Variants in DLGAP1 observed in about 807,000 individuals in gnomAD.
DLGAP1 encodes the protein disks large-associated protein 1.
A neutral mutation model predicts 90.8 loss-of-function variants in DLGAP1; 11 were observed. The ratio of observed to expected loss-of-function variants is 0.12; its 90% CI spans 0.08 to 0.20. The LOEUF is 0.20. DLGAP1 is among the 10% of genes least tolerant of loss of function. DLGAP1 has a pLI of 1.00. For missense variants in DLGAP1, 1,050 were observed against 1,333.8 expected (o/e 0.79, Z 3.31); for synonymous variants, 558 against 540.7 (o/e 1.03, Z -0.44).
At chr18:4,254,480 C>T (rs978081411) in intron 1 of DLGAP1, among the ~76,000 whole-genome samples, 2 of 152,106 alleles carry the variant, frequency 1.3e-5, no homozygotes, top group South Asian at 2.1e-4. Context: ...TGAGTCAGGT[C>T]GAATATCTAG....
intron 1 of DLGAP1, among the ~76,000 whole-genome samples, chr18:4,192,134 C>T (rs2077412666): frequency 6.6e-6 from 1 of 152,068 alleles, no homozygotes; most frequent in South Asian, 2.1e-4. Flanking sequence ...ATAAAAAACG[C>T]CCTTATTTAT....
intron 1 of DLGAP1, among the ~76,000 whole-genome samples, chr18:4,432,190 G>A (rs1021200268): frequency 1.3e-5 from 2 of 152,152 alleles, no homozygotes; most frequent in Admixed American, 1.3e-4. Flanking sequence ...CTTAAACTTT[G>A]CAAGAATTTT....
chr18:4,317,482 C>A (rs2080561526), intron 1 of DLGAP1, among the ~76,000 whole-genome samples: 1 of 152,112 alleles, frequency 6.6e-6, no homozygotes, highest in Admixed American at 6.5e-5. Context: ...TACACTGTCA[C>A]AATAAAGGAG....
intron 1 of DLGAP1, among the ~76,000 whole-genome samples, chr18:4,216,768 G>A (rs992577227): frequency 2.0e-5 from 3 of 152,074 alleles, no homozygotes; most frequent in African/African-American, 7.2e-5. Flanking sequence ...AAAACTGAAT[G>A]AAAAGTATGG....
At chr18:3,851,887 A>T (rs1202004755) in intron 4 of DLGAP1, among the ~76,000 whole-genome samples, 1 of 152,136 alleles carries the variant, frequency 6.6e-6, no homozygotes, top group South Asian at 2.1e-4. Context: ...AGAAAACAGG[A>T]GGTTACTGGT....
intron 2 of DLGAP1, among the ~76,000 whole-genome samples, chr18:4,118,642 G>GGCTGGGGA (rs59612052): frequency 0.84 from 126,573 of 150,268 alleles, 53,742 homozygotes; most frequent in South Asian, 0.95. Context: ...TGTAGCCCCA[G>GGCTGGGGA]GCTGGGGAGC....
At chr18:3,633,382 A>G (rs995681181) in intron 7 of DLGAP1, among the ~76,000 whole-genome samples, 3 of 150,150 alleles carry the variant, frequency 2.0e-5, no homozygotes, top group Non-Finnish European at 3.0e-5. Context: ...CAGCCTGGTG[A>G]CAGAGCTAGA....
At chr18:4,293,820 A>G (rs965837340) in intron 1 of DLGAP1, 1 of 152,038 alleles carries the variant, frequency 6.6e-6, no homozygotes, top group African/African-American at 2.4e-5. Context: ...CCTCCACCCA[A>G]CCTCCACCAG....
intron 3 of DLGAP1, among the ~76,000 whole-genome samples, chr18:3,953,368 T>C (rs764693073): frequency 6.6e-6 from 1 of 152,214 alleles, no homozygotes; most frequent in Admixed American, 6.5e-5. Context: ...CAGTGTTTAT[T>C]ATTTCATTCG....
chr18:4,447,586 C>G (rs180965255), intron 1 of DLGAP1, among the ~76,000 whole-genome samples: 131 of 152,180 alleles, frequency 8.6e-4, no homozygotes, highest in Non-Finnish European at 7.1e-4. Context: ...ATTTCACCAT[C>G]TGGGTGGTGG....
At chr18:4,388,118 A>G (rs571020378) in intron 1 of DLGAP1, among the ~76,000 whole-genome samples, 2 of 152,218 alleles carry the variant, frequency 1.3e-5, no homozygotes, top group Admixed American at 6.5e-5. Flanking sequence ...ACAGTGAGCT[A>G]AAGTCATATT....
chr18:3,681,822 G>C (rs2060523715), intron 7 of DLGAP1, among the ~76,000 whole-genome samples: 1 of 152,088 alleles, frequency 6.6e-6, no homozygotes, highest in South Asian at 2.1e-4. Context: ...ATTCGTGTGA[G>C]ATCTGGTCAT....
Position 3,975,204 on chromosome 18 carries a change from A to C in DLGAP1, c.-73+29912T>G, listed in dbSNP as rs1358786650. On this transcript the variant is annotated intron_variant, in intron 3 of 12. Coordinates refer to ENST00000315677, the MANE Select transcript of DLGAP1 (RefSeq NM_004746.4). ...TGTTTTTTAATTACAATTAAAAATA[A>C]AAATTATATATATAAATACATATGC... 2.0e-5 allele frequency among the ~76,000 whole-genome samples: 3 copies of C among 152,010 alleles called. No homozygotes were observed. In the East Asian group the frequency reaches 5.8e-4, roughly 29 times the overall value.
chr18:4,303,529 T>G (rs956934983), intron 1 of DLGAP1, among the ~76,000 whole-genome samples: 8 of 152,184 alleles, frequency 5.3e-5, no homozygotes, highest in Non-Finnish European at 1.0e-4. Flanking sequence ...AGCAGTGCCA[T>G]GTGAGAAGCT....
rs142650515 is a variant in DLGAP1, at chr18:3,879,987, C to T, written c.82G>A (p.Asp28Asn). The change falls in exon 4 of 13, where the codon GAC becomes AAC. Residue 28 changes from aspartate to asparagine, a missense_variant. Physicochemically the swap from Asp to Asn is conservative, Grantham distance 23. Transcript: ENST00000315677. This position sits in a 1 kb window ranked among gnomAD's most constrained non-coding sequence, Gnocchi z 6.6. ...SACDSLSHHSDRKPYLLSPVE... is the reference protein window; with the variant it reads ...SACDSLSHHSNRKPYLLSPVE... Reference sequence around the variant, plus strand: ...GGGCTCAGCAGGTAGGGCTTGCGGTCGGAGTGGTGCGACAGCGAGTCACAG... The same window carrying T: ...GGGCTCAGCAGGTAGGGCTTGCGGTTGGAGTGGTGCGACAGCGAGTCACAG... The T allele has an allele frequency of 1.2e-4, 196 of 1,611,728 alleles. No individual in the cohort carries two copies. Among genetic ancestry groups the T allele is most frequent in the Non-Finnish European group, 1.6e-4 (186 of 1,179,942 alleles).
Position 4,118,996 on chromosome 18 carries a change from C to T in DLGAP1, c.-159+32184G>A, listed in dbSNP as rs188375317. Among the ~76,000 whole-genome samples, 12 of 152,228 alleles carry T rather than the reference C, an allele frequency of 7.9e-5. No individual in the cohort carries two copies. In the South Asian group the frequency reaches 1.0e-3, roughly 13 times the overall value. On this transcript the variant is annotated intron_variant, in intron 2 of 12. Coordinates refer to ENST00000315677, the MANE Select transcript of DLGAP1 (RefSeq NM_004746.4). ...TAAATAATTCAAATAACACAAATAA[C>T]GACTCCTACCTTTGGGTATACATTT... is the stretch of plus-strand genomic sequence containing the variant.
At chr18:4,279,331 T>C (rs899163348) in intron 1 of DLGAP1, among the ~76,000 whole-genome samples, 9 of 152,228 alleles carry the variant, frequency 5.9e-5, no homozygotes, top group Admixed American at 5.9e-4. Context: ...AGCACTGATA[T>C]CTATTAATTT....
chr18:4,134,376 A>C lies in DLGAP1; in HGVS notation c.-159+16804T>G, dbSNP rs78974833. On this transcript the variant is annotated intron_variant, in intron 2 of 12. Transcript: ENST00000315677. The stretch of plus-strand genomic sequence containing the variant: ...TGGTTAATCTTACTCTTAAGATTCT[A>C]TTGGACTTTAGGTCTCCAGTTTACC... Among the ~76,000 whole-genome samples, 263 of 152,208 alleles carry C rather than the reference A, an allele frequency of 1.7e-3. 2 individuals are homozygous for C. Among genetic ancestry groups the C allele is most frequent in the African/African-American group, 5.9e-3 (247 of 41,530 alleles).
intron 7 of DLGAP1, among the ~76,000 whole-genome samples, chr18:3,714,792 G>A (rs1177543192): frequency 6.6e-6 from 1 of 151,710 alleles, no homozygotes; most frequent in Non-Finnish European, 1.5e-5. Flanking sequence ...GTGCCACCAC[G>A]CCTGGCTAAT....
Sources: allele counts gnomAD v4.1 joint callset (sites outside exome capture counted in the v4.1 genomes callset), GRCh38; gene constraint gnomAD v4.1.1; non-coding constraint Gnocchi (gnomAD v3.1); transcripts MANE v1.5; gene names NCBI Gene and HGNC (gene_info 2026-07-23, HGNC 2026-07-21).